The following INPP4B variants were observed in gnomAD, a reference collection of about 807,000 sequenced individuals.
The protein encoded by INPP4B is inositol polyphosphate-4-phosphatase type II B.
Under a neutral mutation model 122.5 loss-of-function variants are expected in INPP4B, and 55 were observed. The ratio of observed to expected loss-of-function variants is 0.45; its 90% CI spans 0.36 to 0.56. The LOEUF is 0.56. Ranked by LOEUF, INPP4B falls within the 20% of genes least tolerant of loss-of-function variation. The probability of loss-of-function intolerance (pLI) is 0.00; values close to 1 mark genes in which losing one functional copy is unlikely to be tolerated. For synonymous variants in INPP4B, 403 were observed against 388.7 expected (o/e 1.04, Z -0.43); for missense variants, 1,000 against 1,097.7 (o/e 0.91, Z 1.26).
chr4:142,543,333 C>T (rs983149600), intron 2 of INPP4B, among the ~76,000 whole-genome samples: 23 of 152,292 alleles, frequency 1.5e-4, no homozygotes, highest in African/African-American at 5.1e-4. Context: ...AGCTACTGCA[C>T]ATTTGGTAAA....
At chr4:142,076,933 T>C (rs755474984) in intron 25 of INPP4B, among the ~76,000 whole-genome samples, 2 of 152,032 alleles carry the variant, frequency 1.3e-5, no homozygotes, top group Admixed American at 6.6e-5. Flanking sequence ...GAAACTTTTT[T>C]ATTTCAACAA....
chr4:142,189,213 GGTCT>G (rs1413193186), intron 15 of INPP4B, among the ~76,000 whole-genome samples: 1 of 152,074 alleles, frequency 6.6e-6, no homozygotes, highest in Non-Finnish European at 1.5e-5. Flanking sequence ...TGTTTGCAGT[GGTCT>G]GTGATTCTAG....
chr4:142,845,737 G>C (rs1044392267), intron 1 of INPP4B, among the ~76,000 whole-genome samples: 6 of 151,254 alleles, frequency 4.0e-5, no homozygotes, highest in Admixed American at 2.0e-4. Context: ...GCCGGCGGCG[G>C]CGGCGGCGGC....
chr4:142,817,114 T>C (rs1316532122), intron 1 of INPP4B, among the ~76,000 whole-genome samples: 1 of 152,120 alleles, frequency 6.6e-6, no homozygotes, highest in Non-Finnish European at 1.5e-5. Context: ...TTGTCCTAGA[T>C]AAAAAATTAT....
intron 2 of INPP4B, among the ~76,000 whole-genome samples, chr4:142,501,072 G>T (rs1159162118): frequency 6.6e-6 from 1 of 152,092 alleles, no homozygotes; most frequent in Non-Finnish European, 1.5e-5. Context: ...AAAAGATAGT[G>T]CCCCAATCTC....
In INPP4B at chr4:142,840,209, T is replaced by C. The variant is rs544353491; in HGVS notation, c.-254+6000A>G. 2.0e-5 allele frequency among the ~76,000 whole-genome samples: 3 copies of C among 152,290 alleles called. No homozygotes were observed. The South Asian group carries it at 6.2e-4, about 32-fold the overall frequency. On this transcript the variant is annotated intron_variant, in intron 1 of 25. Transcript: ENST00000262992. ...CTATAACAGAGGACATTAGGGGATCTGCTGAAGTGTCATTGAGGTAATTTG... is the reference window on the plus strand; with the variant it reads ...CTATAACAGAGGACATTAGGGGATCCGCTGAAGTGTCATTGAGGTAATTTG...
chr4:142,271,465 G>GA (rs938658589), intron 9 of INPP4B, among the ~76,000 whole-genome samples: 3 of 152,160 alleles, frequency 2.0e-5, no homozygotes, highest in Non-Finnish European at 2.9e-5. Context: ...GTCTATCACA[G>GA]AAACTGTGGC....
chr4:142,141,440 A>C (rs1053994138), intron 18 of INPP4B, among the ~76,000 whole-genome samples: 4 of 152,184 alleles, frequency 2.6e-5, no homozygotes, highest in African/African-American at 9.6e-5. Flanking sequence ...TACAGACAGC[A>C]GATGCTTAGA....
chr4:142,507,585 T>A (rs1452159203), intron 2 of INPP4B, among the ~76,000 whole-genome samples: 2 of 152,036 alleles, frequency 1.3e-5, no homozygotes, highest in Admixed American at 6.6e-5. Flanking sequence ...AGACACAGCA[T>A]CTACCCTATT....
rs542024298 is a variant in INPP4B, at chr4:142,099,441, T to A, written c.2374+8652A>T. On this transcript the variant is annotated intron_variant, in intron 23 of 25. Transcript: ENST00000262992. ...CTGACTGGATTTTTCATTTATATAT[T>A]TGGATGTCTACATGGTATGACAGTT... Among the ~76,000 whole-genome samples the A allele has an allele frequency of 1.8e-4, 27 of 152,300 alleles. No homozygotes were observed. The South Asian group carries it at 5.6e-3, about 32-fold the overall frequency.
At chr4:142,378,063 G>A (rs1251634775) in intron 7 of INPP4B, among the ~76,000 whole-genome samples, 1 of 152,106 alleles carries the variant, frequency 6.6e-6, no homozygotes, top group Non-Finnish European at 1.5e-5. Context: ...CACTACTATT[G>A]TATTTCCTGT....
At chr4:142,334,347 T>C (rs1775782366) in intron 7 of INPP4B, among the ~76,000 whole-genome samples, 1 of 152,228 alleles carries the variant, frequency 6.6e-6, no homozygotes, top group Non-Finnish European at 1.5e-5. Flanking sequence ...AATTCATCCA[T>C]CAGAGGATAC....
At chr4:142,574,638 T>C (rs529702805) in intron 2 of INPP4B, among the ~76,000 whole-genome samples, 1 of 152,240 alleles carries the variant, frequency 6.6e-6, no homozygotes, top group African/African-American at 2.4e-5. Context: ...CAGAATACTT[T>C]TCAAAATTGT....
chr4:142,738,090 C>G (rs1767261945), intron 1 of INPP4B, among the ~76,000 whole-genome samples: 1 of 152,078 alleles, frequency 6.6e-6, no homozygotes, highest in East Asian at 1.9e-4. Flanking sequence ...ACCATTTGAC[C>G]CAGCCATCCC....
chr4:142,324,338 T>C (rs1052088838), intron 7 of INPP4B, among the ~76,000 whole-genome samples: 1 of 152,162 alleles, frequency 6.6e-6, no homozygotes, highest in East Asian at 1.9e-4. Context: ...ACCTGTGTTA[T>C]CTGGTATGGC....
chr4:142,736,937 GT>G (rs1767009177), intron 1 of INPP4B, among the ~76,000 whole-genome samples: 1 of 151,956 alleles, frequency 6.6e-6, no homozygotes, highest in Non-Finnish European at 1.5e-5. Context: ...CTGTGGGTTT[GT>G]CATAGATAGC....
intron 2 of INPP4B, among the ~76,000 whole-genome samples, chr4:142,544,578 A>G (rs1829335771): frequency 1.3e-5 from 2 of 152,162 alleles, no homozygotes; most frequent in South Asian, 4.2e-4. Context: ...AAAGCAGATT[A>G]TGATGTTACA....
At chr4:142,717,536 T>C (rs1763936810) in intron 2 of INPP4B, among the ~76,000 whole-genome samples, 1 of 152,140 alleles carries the variant, frequency 6.6e-6, no homozygotes, top group South Asian at 2.1e-4. Flanking sequence ...GTGGCACATA[T>C]ACAACATGGA....
At chr4:142,706,739 G>A (rs1041953056) in intron 2 of INPP4B, among the ~76,000 whole-genome samples, 1 of 152,252 alleles carries the variant, frequency 6.6e-6, no homozygotes, top group African/African-American at 2.4e-5. Flanking sequence ...TCACAAATGA[G>A]TGATATGCAT....
Sources: allele counts gnomAD v4.1 joint callset (sites outside exome capture counted in the v4.1 genomes callset), GRCh38; gene constraint gnomAD v4.1.1; transcripts MANE v1.5; gene names NCBI Gene and HGNC (gene_info 2026-07-23, HGNC 2026-07-21).